The following UACA variants were observed in gnomAD, a reference collection of about 807,000 sequenced individuals.
UACA encodes the protein nuclear membrane binding protein.
Under a neutral mutation model 160.5 loss-of-function variants are expected in UACA, and 112 were observed. The ratio of observed to expected loss-of-function variants is 0.70; its 90% CI spans 0.60 to 0.82. UACA has a LOEUF of 0.82. Ranked by LOEUF, UACA falls within the 40% of genes least tolerant of loss-of-function variation. The pLI, the probability that UACA is intolerant of heterozygous loss-of-function variation, is 0.00. For synonymous variants in UACA, 557 were observed against 568.4 expected, an observed-to-expected ratio of 0.98 and a Z score of 0.29; for missense variants, 1,574 against 1,614.6, an observed-to-expected ratio of 0.97 and a Z score of 0.43.
At chr15:70,698,884 C>T (rs749851465) in intron 2 of UACA, among the ~76,000 whole-genome samples, 5 of 151,980 alleles carry the variant, frequency 3.3e-5, no homozygotes, top group African/African-American at 9.7e-5. Flanking sequence ...AGATTTGAGA[C>T]GGGGAAGGGG....
chr15:70,669,912 T>G (rs1349396924), intron 15 of UACA, among the ~76,000 whole-genome samples: 1 of 152,208 alleles, frequency 6.6e-6, no homozygotes, highest in East Asian at 1.9e-4. Context: ...GATTTTAAAT[T>G]TGCAGATAAT....
At position 70,656,899 on chromosome 15, in the gene UACA, C is replaced by T. The variant is rs2140873700; in HGVS notation, c.*157G>A. Reference sequence around the variant, plus strand: ...TCAAACTGATATTGAAAAAGACTAACATATTCATCTAATTTTAAAAAAAAA... The same window carrying T: ...TCAAACTGATATTGAAAAAGACTAATATATTCATCTAATTTTAAAAAAAAA... On this transcript the variant is annotated 3_prime_UTR_variant, in exon 19 of 19. Transcript: ENST00000322954. 2.0e-6 allele frequency: 1 copy of T among 495,614 alleles called. No individual in the cohort carries two copies. Among genetic ancestry groups the T allele is most frequent in the South Asian group, 4.2e-5 (1 of 23,932 alleles). The allele number at this position is 495,614 out of a possible 1,614,324, so 30.7% of individuals were successfully genotyped here.
intron 1 of UACA, among the ~76,000 whole-genome samples, chr15:70,720,069 G>A (rs1001352435): frequency 6.6e-6 from 1 of 152,052 alleles, no homozygotes; most frequent in Non-Finnish European, 1.5e-5. Context: ...TTCTCCCTTT[G>A]GTGCTGTTCT....
chr15:70,676,614 C>G lies in UACA; in HGVS notation c.1033-23G>C, dbSNP rs878777. The G allele has an allele frequency of 3.3e-3, 5,159 of 1,573,248 alleles. 142 individuals are homozygous for G. The African/African-American group carries it at 0.061, about 19-fold the overall frequency. On this transcript the variant is annotated intron_variant, in intron 12 of 18. Coordinates refer to ENST00000322954, the MANE Select transcript of UACA (RefSeq NM_018003.4). Reference sequence around the variant, plus strand: ...TCTCTGAAATGAAACAGAATAAATACAGTAAAATCACCCTGTGCTTGGAAT... The same window carrying G: ...TCTCTGAAATGAAACAGAATAAATAGAGTAAAATCACCCTGTGCTTGGAAT...
At position 70,687,935 on chromosome 15, in the gene UACA, C is replaced by T. The variant is rs143982091; in HGVS notation, c.425-115G>A. 1,306 of 918,356 alleles carry T rather than the reference C, an allele frequency of 1.4e-3. 9 individuals carry two copies. In the African/African-American group the frequency reaches 0.016, roughly 11 times the overall value. The allele number at this position is 918,356 out of a possible 1,614,324, so 56.9% of individuals were successfully genotyped here. A position where few individuals can be genotyped will look rare whatever the true frequency, so the allele number is the denominator to read the frequency against. On this transcript the variant is annotated intron_variant, in intron 5 of 18. Coordinates refer to ENST00000322954, the MANE Select transcript of UACA (RefSeq NM_018003.4). ...TCAATTTCTAAATTACCAAGCTTCA[C>T]GTCCTTCACTCTTAGTTTAGCATTA...
chr15:70,709,694 T>C (rs1436290792), intron 1 of UACA, among the ~76,000 whole-genome samples: 1 of 152,206 alleles, frequency 6.6e-6, no homozygotes, highest in Non-Finnish European at 1.5e-5. Flanking sequence ...TGAATATTAA[T>C]TTATTCAATA....
intron 3 of UACA, among the ~76,000 whole-genome samples, chr15:70,693,925 T>C (rs1898032775): frequency 6.6e-6 from 1 of 152,164 alleles, no homozygotes; most frequent in African/African-American, 2.4e-5. Context: ...GCAGATAAAT[T>C]GAATTTGGTC....
intron 1 of UACA, among the ~76,000 whole-genome samples, chr15:70,750,400 C>T (rs956638401): frequency 1.3e-5 from 2 of 152,164 alleles, no homozygotes; most frequent in East Asian, 1.9e-4. Context: ...ACCCAATCCC[C>T]TTGCTATTGT....
intron 1 of UACA, among the ~76,000 whole-genome samples, chr15:70,715,558 T>C (rs913833065): frequency 2.0e-5 from 3 of 152,164 alleles, no homozygotes; most frequent in African/African-American, 7.2e-5. Flanking sequence ...TAAGGTTATA[T>C]ATATAAAAGC....
intron 2 of UACA, among the ~76,000 whole-genome samples, chr15:70,695,625 ATCAGCGCCTTCTTCCCAAACATTACC>A (rs1180337332): frequency 1.3e-5 from 2 of 152,180 alleles, no homozygotes; most frequent in African/African-American, 4.8e-5. Context: ...TCACAAAAGA[ATCAGCGCCTTCTTCCCAAACATTACC>A]AACTAATTAC....
chr15:70,775,931 G>T, the UACA span, among the ~76,000 whole-genome samples: 18 of 152,064 alleles, frequency 1.2e-4, no homozygotes, highest in Non-Finnish European at 5.9e-5. Flanking sequence ...TCAAGCTCAT[G>T]GGTGATTGTT....
Position 70,690,523 on chromosome 15 carries a change from A to T in UACA, c.367-12T>A. The T allele has an allele frequency of 6.2e-7, 1 of 1,606,628 alleles. No homozygotes were observed. The highest frequency in any genetic ancestry group is 8.5e-7 in the Non-Finnish European group (1 of 1,175,874). ...GTGGGACAATTGTACTGTTAAAGTAAAGAAAACTTAGTAAAGTAGGAGAGT... is the reference window on the plus strand; with the variant it reads ...GTGGGACAATTGTACTGTTAAAGTATAGAAAACTTAGTAAAGTAGGAGAGT... On this transcript the variant is annotated splice_polypyrimidine_tract_variant and intron_variant, in intron 4 of 18. Coordinates refer to ENST00000322954, the MANE Select transcript of UACA (RefSeq NM_018003.4).
At chr15:70,761,676 A>C (rs548199159) in intron 1 of UACA, among the ~76,000 whole-genome samples, 2 of 152,352 alleles carry the variant, frequency 1.3e-5, no homozygotes, top group East Asian at 3.9e-4. Context: ...CTTTTTCTAC[A>C]TAAATAGGTT....
Position 70,667,432 on chromosome 15 carries a change from A to T in UACA, c.3252T>A (p.Asn1084Lys). 1 of 1,610,332 alleles carries T rather than the reference A, an allele frequency of 6.2e-7. No homozygotes were observed. The highest frequency in any genetic ancestry group is 1.1e-5 in the South Asian group (1 of 90,626). Residue 1084 changes from asparagine to lysine, a missense_variant, in exon 16 of 19, where the codon AAT becomes AAA. Physicochemically the swap from Asn to Lys is moderately conservative, Grantham distance 94. Transcript: ENST00000322954. ...TTTCTTCTACTAGCTTCTCTTTCAC[A>T]TTCTTTACTTCCGTGTATTTCTGTG... is the stretch of plus-strand genomic sequence containing the variant. ...DLSQKYTEVKNVKEKLVEENA... is the reference protein window; with the variant it reads ...DLSQKYTEVKKVKEKLVEENA...
chr15:70,767,706 T>G (rs1037843435), upstream of UACA, among the ~76,000 whole-genome samples: 2 of 152,322 alleles, frequency 1.3e-5, no homozygotes. Flanking sequence ...TCCAATGACT[T>G]CCCTCTTCAT....
At chr15:70,679,538 T>TC (rs1897417293) in intron 10 of UACA, 70 bp downstream of exon 10, 4 of 1,028,412 alleles carry the variant, frequency 3.9e-6, no homozygotes, top group Non-Finnish European at 5.7e-6. Context: ...CTTCCTCTCT[T>TC]CTCTCTCAAT....
chr15:70,663,027 T>G (rs1355572106), intron 17 of UACA, among the ~76,000 whole-genome samples: 3 of 151,802 alleles, frequency 2.0e-5, no homozygotes. Flanking sequence ...CTAATTAAAC[T>G]AAAGAGCTTC....
intron 2 of UACA, among the ~76,000 whole-genome samples, chr15:70,697,623 T>G (rs1898176135): frequency 6.6e-6 from 1 of 152,274 alleles, no homozygotes; most frequent in Admixed American, 6.5e-5. Context: ...ACAAATTGTT[T>G]TTGTAATTGT....
chr15:70,712,340 C>T (rs572037859), intron 1 of UACA, among the ~76,000 whole-genome samples: 1 of 152,262 alleles, frequency 6.6e-6, no homozygotes, highest in East Asian at 1.9e-4. Context: ...CCATGTCCAT[C>T]AAAATTACCC....
Sources: gnomAD v4.1 joint callset for allele counts (sites outside exome capture counted in the v4.1 genomes callset) on GRCh38, gnomAD v4.1.1 for gene constraint, MANE v1.5 for transcripts, NCBI Gene and HGNC (gene_info 2026-07-23, HGNC 2026-07-21) for gene names.